COL4A6: variants seen among roughly 807,000 people sequenced by gnomAD.
The protein encoded by COL4A6 is collagen alpha-6(IV) chain.
Under a neutral mutation model 126.7 loss-of-function variants are expected in COL4A6, and 59 were observed. The ratio of observed to expected loss-of-function variants is 0.47; its 90% confidence interval spans 0.38 to 0.58. The LOEUF (loss-of-function observed/expected upper bound fraction) is 0.58, where lower values mean the gene tolerates loss of function less well. Among genes scored for constraint, COL4A6 ranks in the 20% least tolerant of loss-of-function variants. The probability of loss-of-function intolerance (pLI) is 0.00; values close to 1 mark genes in which losing one functional copy is unlikely to be tolerated. For synonymous variants in COL4A6, 547 were observed against 496.6 expected, an observed-to-expected ratio of 1.10 and a Z score of -1.35; for missense variants, 1,285 against 1,337.3, an observed-to-expected ratio of 0.96 and a Z score of 0.61.
chrX:108,206,411 T>C, intron 9 of COL4A6, 107 bp downstream of exon 9: 2 of 836,116 alleles, frequency 2.4e-6, no homozygotes, highest in Non-Finnish European at 3.6e-6. Context: ...TTGCCCTTGC[T>C]CACCCAGGAG....
intron 2 of COL4A6, among the ~76,000 whole-genome samples, chrX:108,388,315 G>A (rs1358023013): frequency 1.8e-5 from 2 of 111,822 alleles, no homozygotes; most frequent in Admixed American, 1.9e-4. Flanking sequence ...TTGTACCTCT[G>A]GTAGAATTCG....
chrX:108,438,268 C>T lies in COL4A6; in HGVS notation c.-72G>A, dbSNP rs1381793597. 2 of 1,138,693 alleles carry T rather than the reference C, an allele frequency of 1.8e-6. No individual in the cohort carries two copies. The highest frequency in any genetic ancestry group is 2.3e-6 in the Non-Finnish European group (2 of 863,791). 93.8% of individuals were successfully genotyped at this position (1,138,693 alleles called of 1,213,427 possible). A position where few individuals can be genotyped will look rare whatever the true frequency, so the allele number is the denominator to read the frequency against. ...TCCGCGGCCCGTGCTCATCTGGGCT[C>T]TGCTGATGCTTGGAGGCTGTTTCCT... On this transcript the variant is annotated 5_prime_UTR_variant, in exon 1 of 45. Transcript: ENST00000334504.
chrX:108,179,325 T>C lies in COL4A6; in HGVS notation c.2245A>G (p.Thr749Ala), dbSNP rs763609040. The C allele has an allele frequency of 2.5e-6, 3 of 1,209,356 alleles. No homozygotes were observed. The East Asian group carries it at 8.9e-5, about 36-fold the overall frequency. Residue 749 changes from threonine to alanine, a missense_variant, in exon 26 of 45, where the codon ACT becomes GCT. Coordinates refer to ENST00000334504, the MANE Select transcript of COL4A6 (RefSeq NM_033641.4). Reference sequence around the variant, plus strand: ...TTTTCAGCACCAAAGATGTCACCAGTGGCTCCCTTGGAACCAGGTAAGCCT... The same window carrying C: ...TTTTCAGCACCAAAGATGTCACCAGCGGCTCCCTTGGAACCAGGTAAGCCT... Reference protein sequence around the residue: ...SPGLPGSKGATGDIFGAENGA... With the variant: ...SPGLPGSKGAAGDIFGAENGA...
intron 2 of COL4A6, among the ~76,000 whole-genome samples, chrX:108,346,837 T>G (rs752147461): frequency 4.5e-5 from 5 of 111,645 alleles, no homozygotes; most frequent in Admixed American, 1.9e-4. Context: ...CAATTTTTGG[T>G]GAATTGGTGA....
At chrX:108,409,677 T>C (rs2041287479) in intron 2 of COL4A6, among the ~76,000 whole-genome samples, 1 of 111,970 alleles carries the variant, frequency 8.9e-6, no homozygotes, top group Admixed American at 9.5e-5. Flanking sequence ...AAAAGCTCCA[T>C]TATGCTACCC....
Position 108,159,642 on chromosome X carries a change from G to A in COL4A6, c.4632C>T (p.Leu1544=). The A allele has an allele frequency of 8.3e-7, 1 of 1,212,096 alleles. No homozygotes were observed. Among genetic ancestry groups the A allele is most frequent in the African/African-American group, 1.7e-5 (1 of 57,852 alleles). The change falls in exon 44 of 45, where the codon CTC becomes CTT. Residue 1544 remains leucine (L), a synonymous_variant. Transcript: ENST00000334504. ...YARRNDKSYW[L]STTAPIPMMP... Reference sequence around the variant, plus strand: ...TCATGGGGATAGGGGCGGTAGTGGAGAGCCAGTAAGATTTATCATTGCGCC... The same window carrying A: ...TCATGGGGATAGGGGCGGTAGTGGAAAGCCAGTAAGATTTATCATTGCGCC...
At chrX:108,183,758 T>TCC in intron 23 of COL4A6, 2 of 894,462 alleles carry the variant, frequency 2.2e-6, no homozygotes, top group Non-Finnish European at 2.8e-6. Context: ...CCAACCTCTC[T>TCC]ACAGCAGCAG....
At chrX:108,205,825 T>C in intron 9 of COL4A6, 130 bp from the exon 10 acceptor site, 1 of 534,075 alleles carries the variant, frequency 1.9e-6, no homozygotes, top group Non-Finnish European at 3.1e-6. Context: ...ATTCTAGCTG[T>C]CTTTCCTATG....
chrX:108,280,129 G>C (rs924514147), intron 3 of COL4A6, among the ~76,000 whole-genome samples: 21 of 110,932 alleles, frequency 1.9e-4, no homozygotes, highest in Non-Finnish European at 3.2e-4. Context: ...CAGAAGGCAA[G>C]AAATAACTAA....
chrX:108,371,322 T>C (rs941377344), intron 2 of COL4A6, among the ~76,000 whole-genome samples: 6 of 110,428 alleles, frequency 5.4e-5, no homozygotes, highest in African/African-American at 2.0e-4. Context: ...AAATTCAAAC[T>C]GTACAAAAAA....
chrX:108,193,306 G>A (rs760252641), intron 17 of COL4A6, among the ~76,000 whole-genome samples: 1 of 111,809 alleles, frequency 8.9e-6, no homozygotes, highest in East Asian at 2.8e-4. Context: ...GTATCAAACT[G>A]AAGTCAGCCC....
intron 2 of COL4A6, among the ~76,000 whole-genome samples, chrX:108,328,519 G>A (rs904739030): frequency 1.8e-5 from 2 of 111,469 alleles, no homozygotes; most frequent in African/African-American, 6.5e-5. Context: ...CAATACCAAT[G>A]CCAACACCAA....
chrX:108,278,833 A>C (rs1444325395), intron 3 of COL4A6, among the ~76,000 whole-genome samples: 5 of 111,042 alleles, frequency 4.5e-5, no homozygotes, highest in Non-Finnish European at 9.5e-5. Context: ...GTGGGGGCCA[A>C]TATTCAACAT....
chrX:108,293,489 C>T (rs1397279257), intron 3 of COL4A6, among the ~76,000 whole-genome samples: 1 of 111,442 alleles, frequency 9.0e-6, no homozygotes, highest in African/African-American at 3.3e-5. Context: ...TTGGAAGCTA[C>T]TTAAAACCTT....
At chrX:108,352,637 G>A (rs1325388890) in intron 2 of COL4A6, among the ~76,000 whole-genome samples, 2 of 112,346 alleles carry the variant, frequency 1.8e-5, no homozygotes, top group Non-Finnish European at 3.8e-5. Context: ...CACATCTATG[G>A]AACATCAACT....
intron 2 of COL4A6, among the ~76,000 whole-genome samples, chrX:108,350,713 C>T (rs111251736): frequency 1.4e-3 from 156 of 111,433 alleles, no homozygotes; most frequent in African/African-American, 4.0e-3. Flanking sequence ...TCTTGCGGAA[C>T]GCTGACTTTC....
chrX:108,201,876 C>T (rs902578724), intron 13 of COL4A6, among the ~76,000 whole-genome samples: 13 of 111,379 alleles, frequency 1.2e-4, no homozygotes, highest in African/African-American at 4.2e-4. Flanking sequence ...CAATACAAGT[C>T]AGAGCCTTTG....
chrX:108,430,518 T>C (rs1433809526), intron 2 of COL4A6, among the ~76,000 whole-genome samples: 4 of 111,863 alleles, frequency 3.6e-5, no homozygotes, highest in Admixed American at 1.9e-4. Context: ...TTGTTGTTAG[T>C]AAAATAACTC....
Position 108,412,606 on chromosome X carries a change from G to A in COL4A6, c.63+25336C>T, listed in dbSNP as rs145960748. Reference sequence around the variant, plus strand: ...ACTCTACTGATGTTCCCACCAATTTGACAAAATAACTGAATGTCTTTGTCT... The same window carrying A: ...ACTCTACTGATGTTCCCACCAATTTAACAAAATAACTGAATGTCTTTGTCT... On this transcript the variant is annotated intron_variant, in intron 2 of 44. Coordinates refer to ENST00000334504, the MANE Select transcript of COL4A6 (RefSeq NM_033641.4). Among the ~76,000 whole-genome samples the A allele has an allele frequency of 5.0e-3, 558 of 111,735 alleles. 3 individuals carry two copies. Among genetic ancestry groups the A allele is most frequent in the African/African-American group, 0.016 (505 of 30,721 alleles).
Sources: gnomAD v4.1 joint callset for allele counts (sites outside exome capture counted in the v4.1 genomes callset) on GRCh38, gnomAD v4.1.1 for gene constraint, MANE v1.5 for transcripts, NCBI Gene and HGNC (gene_info 2026-07-23, HGNC 2026-07-21) for gene names.